Variants in PCDHA13 observed in about 807,000 individuals in gnomAD.
The protein encoded by PCDHA13 is protocadherin alpha 13, also known as protocadherin alpha-13.
Under a neutral mutation model 64.8 loss-of-function variants are expected in PCDHA13, and 54 were observed. The ratio of observed to expected loss-of-function variants is 0.83; its 90% CI spans 0.67 to 1.04. The LOEUF (loss-of-function observed/expected upper bound fraction) is 1.04, where lower values mean the gene tolerates loss of function less well. Among genes scored for constraint, PCDHA13 ranks in the 50% least tolerant of loss-of-function variants. PCDHA13 has a pLI of 0.00. For synonymous variants in PCDHA13, 587 were observed against 564.4 expected, an observed-to-expected ratio of 1.04 and a Z score of -0.57; for missense variants, 1,248 against 1,254.3, an observed-to-expected ratio of 0.99 and a Z score of 0.08.
chr5:140,929,497 C>A, intron 1 of PCDHA13: 1 of 977,560 alleles, frequency 1.0e-6, no homozygotes, highest in Non-Finnish European at 1.4e-6. Context: ...TAGAAGATTG[C>A]CCTAGGCCTC....
chr5:140,935,870 T>C (rs1486682424), intron 1 of PCDHA13, among the ~76,000 whole-genome samples: 1 of 151,620 alleles, frequency 6.6e-6, no homozygotes, highest in East Asian at 1.9e-4. Context: ...TAGCAATTAA[T>C]GAGCTCCAAT....
intron 1 of PCDHA13, chr5:140,929,209 G>C (rs553616030): frequency 1.2e-6 from 2 of 1,613,936 alleles, no homozygotes. Context: ...GCTGTTGCGT[G>C]GGGAGTACAA....
At chr5:140,886,330 T>C (rs1403720039) in intron 1 of PCDHA13, among the ~76,000 whole-genome samples, 1 of 152,192 alleles carries the variant, frequency 6.6e-6, no homozygotes, top group Admixed American at 6.5e-5. Context: ...CTGGGATACA[T>C]GTGCAGAACG....
At chr5:141,004,100 ATCT>A (rs1241437793) in intron 3 of PCDHA13, among the ~76,000 whole-genome samples, 4 of 152,204 alleles carry the variant, frequency 2.6e-5, no homozygotes, top group Non-Finnish European at 5.9e-5. Context: ...TTCCGTTTTC[ATCT>A]TCTTCAAAAG....
At chr5:140,963,319 G>T (rs1554226565) in intron 1 of PCDHA13, among the ~76,000 whole-genome samples, 1 of 152,174 alleles carries the variant, frequency 6.6e-6, no homozygotes, top group East Asian at 1.9e-4. Flanking sequence ...GTTTGTATTA[G>T]AATTACACAG....
At chr5:140,927,343 G>T (rs2084109180) in intron 1 of PCDHA13, 2 of 1,614,016 alleles carry the variant, frequency 1.2e-6, no homozygotes, top group East Asian at 4.5e-5. Flanking sequence ...TGCCCAAGAT[G>T]ACGACGAGGG....
chr5:140,986,371 G>A (rs1453761888), intron 3 of PCDHA13, among the ~76,000 whole-genome samples: 1 of 152,116 alleles, frequency 6.6e-6, no homozygotes, highest in African/African-American at 2.4e-5. Context: ...AATGCGTTTT[G>A]GGGGGAGGGA....
intron 1 of PCDHA13, among the ~76,000 whole-genome samples, chr5:140,959,659 A>G (rs1020730964): frequency 6.6e-6 from 1 of 152,250 alleles, no homozygotes; most frequent in Non-Finnish European, 1.5e-5. Context: ...AAATTGAAGA[A>G]TTTGTAAATC....
intron 1 of PCDHA13, chr5:140,926,622 G>A: frequency 2.5e-6 from 1 of 396,424 alleles, no homozygotes. Context: ...CCCCTAGGCG[G>A]CGCTGCGCTC....
In PCDHA13 at chr5:141,011,040, A is replaced by G. The variant is rs1467029720; in HGVS notation, c.*1103A>G. On this transcript the variant is annotated 3_prime_UTR_variant, in exon 4 of 4. Transcript: ENST00000289272. ...AATCACAGCTTTACTCTTTCAGGTCACTCTGGGGCTGCCTCTTGCATGTAT... is the reference window on the plus strand; with the variant it reads ...AATCACAGCTTTACTCTTTCAGGTCGCTCTGGGGCTGCCTCTTGCATGTAT... 1 of 153,602 alleles carries G rather than the reference A, an allele frequency of 6.5e-6. No homozygotes were observed. The highest frequency in any genetic ancestry group is 2.4e-5 in the African/African-American group (1 of 41,374). The allele number at this position is 153,602 out of a possible 1,614,324, so 9.5% of individuals were successfully genotyped here.
chr5:140,935,144 A>C (rs1289868558), intron 1 of PCDHA13, among the ~76,000 whole-genome samples: 1 of 152,184 alleles, frequency 6.6e-6, no homozygotes, highest in Non-Finnish European at 1.5e-5. Flanking sequence ...TGATACTTAG[A>C]GATATAATCT....
intron 1 of PCDHA13, among the ~76,000 whole-genome samples, chr5:140,937,729 G>A (rs1471512736): frequency 1.3e-5 from 2 of 151,886 alleles, no homozygotes; most frequent in African/African-American, 4.8e-5. Context: ...TGGCTAACAC[G>A]GTGAAACCCC....
At chr5:140,980,152 C>T (rs1554241475) in intron 2 of PCDHA13, among the ~76,000 whole-genome samples, 1 of 152,040 alleles carries the variant, frequency 6.6e-6, no homozygotes, top group Admixed American at 6.6e-5. Flanking sequence ...CATGCATATA[C>T]CAGAATATTA....
chr5:140,955,986 C>A (rs2095245113), intron 1 of PCDHA13, among the ~76,000 whole-genome samples: 1 of 152,124 alleles, frequency 6.6e-6, no homozygotes, highest in Non-Finnish European at 1.5e-5. Flanking sequence ...GCAATTTTTG[C>A]ACATTGATTT....
chr5:141,006,384 T>C, intron 3 of PCDHA13, among the ~76,000 whole-genome samples: 2 of 152,126 alleles, frequency 1.3e-5, no homozygotes, highest in South Asian at 4.2e-4. Flanking sequence ...GCTAAGTTTT[T>C]TCTATTTTTT....
chr5:141,004,336 G>A (rs1554259546), intron 3 of PCDHA13, among the ~76,000 whole-genome samples: 1 of 152,224 alleles, frequency 6.6e-6, no homozygotes, highest in East Asian at 1.9e-4. Flanking sequence ...AGGCACAGTG[G>A]TCTGTGAGGG....
At chr5:140,962,414 C>T (rs2095681226) in intron 1 of PCDHA13, among the ~76,000 whole-genome samples, 1 of 152,166 alleles carries the variant, frequency 6.6e-6, no homozygotes, top group African/African-American at 2.4e-5. Context: ...CCTGTCTCTC[C>T]CTTTTTATTG....
At chr5:140,977,043 T>G (rs2096743110) in intron 1 of PCDHA13, among the ~76,000 whole-genome samples, 1 of 152,226 alleles carries the variant, frequency 6.6e-6, no homozygotes. Flanking sequence ...AGGATGTTGT[T>G]GCTGATGGAC....
At chr5:140,960,476 A>G (rs900807612) in intron 1 of PCDHA13, among the ~76,000 whole-genome samples, 3 of 152,178 alleles carry the variant, frequency 2.0e-5, no homozygotes, top group South Asian at 2.1e-4. Context: ...TCCTTCTTAC[A>G]CAGAGGTGTA....
Sources: allele counts gnomAD v4.1 joint callset (sites outside exome capture counted in the v4.1 genomes callset), GRCh38; gene constraint gnomAD v4.1.1; transcripts MANE v1.5; gene names NCBI Gene and HGNC (gene_info 2026-07-23, HGNC 2026-07-21).